The following RNLS variants were observed in gnomAD, a reference collection of about 807,000 sequenced individuals.
The protein encoded by RNLS is renalase, FAD dependent amine oxidase.
Under a neutral mutation model 39.8 loss-of-function variants are expected in RNLS, and 39 were observed. That is an observed-to-expected ratio of 0.98 (90% CI 0.76 to 1.28). The LOEUF (loss-of-function observed/expected upper bound fraction) is 1.28, where lower values mean the gene tolerates loss of function less well. Among genes scored for constraint, RNLS ranks in the 50% most tolerant of loss-of-function variants. The probability of loss-of-function intolerance (pLI) is 0.00; values close to 1 mark genes in which losing one functional copy is unlikely to be tolerated. For missense variants in RNLS, 410 were observed against 413.3 expected (o/e 0.99, Z 0.07); for synonymous variants, 147 against 150.7 (o/e 0.98, Z 0.18).
intron 4 of RNLS, among the ~76,000 whole-genome samples, chr10:88,505,708 C>T (rs1845753654): frequency 6.6e-6 from 1 of 152,000 alleles, no homozygotes; most frequent in African/African-American, 2.4e-5. Flanking sequence ...AGAATAAATC[C>T]CACAGATAAC....
chr10:88,401,512 G>T (rs186136915), intron 4 of RNLS, among the ~76,000 whole-genome samples: 3 of 152,010 alleles, frequency 2.0e-5, no homozygotes, highest in African/African-American at 7.2e-5. Context: ...TTTTCTGATG[G>T]TTCAAGATTT....
chr10:88,254,759 CCTT>C, the RNLS span, among the ~76,000 whole-genome samples: 5 of 152,184 alleles, frequency 3.3e-5, no homozygotes, highest in African/African-American at 1.2e-4. Context: ...GATCCAGTAA[CCTT>C]CTCAAGATAG....
intron 4 of RNLS, among the ~76,000 whole-genome samples, chr10:88,500,995 A>C (rs1184306967): frequency 6.9e-6 from 1 of 145,254 alleles, no homozygotes; most frequent in Non-Finnish European, 1.5e-5. Flanking sequence ...TTATGTATAT[A>C]TATGTGTGTG....
In RNLS at chr10:88,577,109, T is replaced by C. The variant is rs554639567; in HGVS notation, c.368-4048A>G. ...ACCATCAGGTGACCAATTTCCCAGG[T>C]TGCATAAAGAACTAAGGTGGTATTA... On this transcript the variant is annotated intron_variant, in intron 3 of 6. Transcript: ENST00000331772. Among the ~76,000 whole-genome samples the C allele has an allele frequency of 2.2e-4, 33 of 152,248 alleles. No homozygotes were observed. The South Asian group carries it at 6.8e-3, about 32-fold the overall frequency.
At chr10:88,536,803 C>T (rs543178316) in intron 4 of RNLS, among the ~76,000 whole-genome samples, 2 of 152,310 alleles carry the variant, frequency 1.3e-5, no homozygotes, top group East Asian at 3.9e-4. Flanking sequence ...AGCACCCCTA[C>T]CTCAAAACCA....
chr10:88,581,315 T>TAC (rs1554938339), intron 3 of RNLS, among the ~76,000 whole-genome samples: 40 of 147,598 alleles, frequency 2.7e-4, no homozygotes, highest in African/African-American at 9.4e-4. Context: ...TATATATATA[T>TAC]ACATCTATAA....
the RNLS span, among the ~76,000 whole-genome samples, chr10:88,184,446 T>C: frequency 6.6e-6 from 1 of 152,158 alleles, no homozygotes; most frequent in African/African-American, 2.4e-5. Context: ...GAATAATCAG[T>C]ATAGGTTTCT....
chr10:88,495,512 C>A (rs1420556229), intron 4 of RNLS, among the ~76,000 whole-genome samples: 2 of 152,140 alleles, frequency 1.3e-5, no homozygotes, highest in African/African-American at 4.8e-5. Flanking sequence ...CATCTGCTCT[C>A]ATTACCGCAC....
chr10:88,582,245 G>C lies in RNLS; in HGVS notation c.181C>G (p.Gln61Glu). The change falls in exon 2 of 7, where the codon CAG (glutamine) becomes GAG (glutamate). Residue 61 changes from glutamine to glutamate, a missense_variant. Gln to Glu is a conservative substitution (Grantham distance 29). Transcript: ENST00000331772. ...TAATGAGGAGTGCAGGTGATGTACTGAGCACCCAAGTCAGCTGTGCACTGA... is the reference window on the plus strand; with the variant it reads ...TAATGAGGAGTGCAGGTGATGTACTCAGCACCCAAGTCAGCTGTGCACTGA... ...NPQCTADLGAQYITCTPHYAK... is the reference protein window; with the variant it reads ...NPQCTADLGAEYITCTPHYAK... The C allele has an allele frequency of 6.2e-7, 1 of 1,614,026 alleles. No homozygotes were observed. Among genetic ancestry groups the C allele is most frequent in the Non-Finnish European group, 8.5e-7 (1 of 1,179,984 alleles).
At chr10:88,386,964 G>A (rs1342958504) in intron 4 of RNLS, among the ~76,000 whole-genome samples, 4 of 152,186 alleles carry the variant, frequency 2.6e-5, no homozygotes, top group Non-Finnish European at 5.9e-5. Flanking sequence ...AAAACTCAAT[G>A]CCAGTTTATG....
At chr10:88,175,470 A>T in the RNLS span, among the ~76,000 whole-genome samples, 4 of 152,160 alleles carry the variant, frequency 2.6e-5, no homozygotes, top group Non-Finnish European at 5.9e-5. Flanking sequence ...CAAGAATTTT[A>T]AAATTTCCTT....
intron 4 of RNLS, among the ~76,000 whole-genome samples, chr10:88,528,705 T>G (rs1245139591): frequency 1.3e-5 from 2 of 151,568 alleles, no homozygotes; most frequent in African/African-American, 4.9e-5. Context: ...TTACAAAAAT[T>G]AGCTGGGCAT....
At chr10:88,441,259 C>A (rs1054002194) in intron 4 of RNLS, among the ~76,000 whole-genome samples, 16 of 152,128 alleles carry the variant, frequency 1.1e-4, no homozygotes, top group African/African-American at 3.6e-4. Context: ...TTGACTGTGC[C>A]TTCCTATTCT....
intron 4 of RNLS, among the ~76,000 whole-genome samples, chr10:88,524,980 TATATATATATATATATATAC>T (rs1159127775): frequency 9.0e-5 from 12 of 132,866 alleles, no homozygotes; most frequent in South Asian, 2.4e-4. Context: ...TATATATATA[TATATATATATATATATATAC>T]ACACACACAC....
intron 4 of RNLS, among the ~76,000 whole-genome samples, chr10:88,382,138 T>G (rs1011527293): frequency 1.3e-5 from 2 of 152,154 alleles, no homozygotes; most frequent in African/African-American, 4.8e-5. Flanking sequence ...ATCATTTGAT[T>G]GTGTTTTACA....
chr10:88,581,704 T>C lies in RNLS; in HGVS notation c.230A>G (p.Tyr77Cys), dbSNP rs1440605935. ...AACGCCATAGGCTAACAGTTCATCA[T>C]AAAAACTGAAATAAATCAATATGTA... The part of the protein sequence containing the change: ...PHYAKKHQRF[Y>C]DELLAYGVLR... Residue 77 changes from tyrosine (Y) to cysteine (C), a missense_variant, in exon 3 of 7, where the codon TAT becomes TGT. By Grantham distance (194) the Tyr-to-Cys change is radical (BLOSUM62 -2). Transcript: ENST00000331772. 1 of 1,563,568 alleles carries C rather than the reference T, an allele frequency of 6.4e-7. No individual in the cohort carries two copies.
intron 5 of RNLS, among the ~76,000 whole-genome samples, chr10:88,361,550 A>C (rs559277249): frequency 6.6e-6 from 1 of 152,324 alleles, no homozygotes; most frequent in South Asian, 2.1e-4. Flanking sequence ...TGAACTGCTG[A>C]TTGTACATAT....
the RNLS span, among the ~76,000 whole-genome samples, chr10:88,198,846 C>T: frequency 0.91 from 139,260 of 152,230 alleles, 63,873 homozygotes; most frequent in African/African-American, 0.94. Flanking sequence ...GTAGCTCTTA[C>T]AGCAGTGCAA....
intron 4 of RNLS, among the ~76,000 whole-genome samples, chr10:88,395,939 G>A (rs1852532382): frequency 6.6e-6 from 1 of 151,954 alleles, no homozygotes; most frequent in South Asian, 2.1e-4. Flanking sequence ...GGCATGACAT[G>A]CAAAAAGCTG....
Sources: gnomAD v4.1 joint callset for allele counts (sites outside exome capture counted in the v4.1 genomes callset) on GRCh38, gnomAD v4.1.1 for gene constraint, MANE v1.5 for transcripts, NCBI Gene and HGNC (gene_info 2026-07-23, HGNC 2026-07-21) for gene names.